The following METTL8 variants were observed in gnomAD, a reference collection of about 807,000 sequenced individuals.
The protein encoded by METTL8 is methyltransferase 8, tRNA N3-cytidine, also known as tRNA N(3)-cytidine methyltransferase METTL8, mitochondrial.
Under a neutral mutation model 48.7 loss-of-function variants are expected in METTL8, and 32 were observed. The observed-to-expected ratio is 0.66, with a 90% CI of 0.50 to 0.88. METTL8 has a LOEUF of 0.88. Ranked by LOEUF, METTL8 falls within the 40% of genes least tolerant of loss-of-function variation. The pLI is 0.00. For synonymous variants in METTL8, 136 were observed against 157.1 expected (o/e 0.87, Z 1.01); for missense variants, 464 against 474.4 (o/e 0.98, Z 0.20).
At chr2:171,405,017 G>T (rs1249358875) in intron 1 of METTL8, among the ~76,000 whole-genome samples, 1 of 152,160 alleles carries the variant, frequency 6.6e-6, no homozygotes, top group African/African-American at 2.4e-5. Flanking sequence ...AGGAGACAAG[G>T]TTTCTGGCTT....
chr2:171,363,128 CTG>C (rs1685334144), intron 2 of METTL8, among the ~76,000 whole-genome samples: 1 of 151,972 alleles, frequency 6.6e-6, no homozygotes. Context: ...TATTTCTTAA[CTG>C]TAACTTCCTT....
At chr2:171,401,528 G>C (rs766888942) in intron 1 of METTL8, among the ~76,000 whole-genome samples, 3 of 152,108 alleles carry the variant, frequency 2.0e-5, no homozygotes, top group Non-Finnish European at 2.9e-5. Flanking sequence ...CTTAGCGTTT[G>C]TTCTCCATGA....
At chr2:171,363,399 T>C (rs1034373683) in intron 2 of METTL8, among the ~76,000 whole-genome samples, 3 of 152,074 alleles carry the variant, frequency 2.0e-5, no homozygotes, top group Non-Finnish European at 2.9e-5. Context: ...AACTTTTTAT[T>C]AGTAATAAAT....
At chr2:171,375,765 T>C (rs1686901081) in intron 2 of METTL8, among the ~76,000 whole-genome samples, 1 of 152,124 alleles carries the variant, frequency 6.6e-6, no homozygotes, top group Non-Finnish European at 1.5e-5. Flanking sequence ...CAGATAAATC[T>C]CAAAATAATT....
At chr2:171,397,778 A>T (rs1301870164) in intron 1 of METTL8, among the ~76,000 whole-genome samples, 1 of 152,162 alleles carries the variant, frequency 6.6e-6, no homozygotes, top group Admixed American at 6.5e-5. Context: ...AAAAGCTAAT[A>T]CTGGGATATT....
intron 1 of METTL8, among the ~76,000 whole-genome samples, chr2:171,397,352 TAA>T (rs71013039): frequency 1.7e-3 from 20 of 11,702 alleles, no homozygotes; most frequent in African/African-American, 3.4e-3. Flanking sequence ...ACCCTGTCTC[TAA>T]AAAAAAAAAA....
intron 1 of METTL8, among the ~76,000 whole-genome samples, chr2:171,399,515 G>GAGCAT (rs1023086112): frequency 3.9e-4 from 59 of 152,116 alleles, no homozygotes; most frequent in African/African-American, 1.4e-3. Flanking sequence ...CCACCACAAT[G>GAGCAT]AGCATAGTGG....
At chr2:171,335,811 A>G (rs182247787) in intron 5 of METTL8, among the ~76,000 whole-genome samples, 1 of 152,318 alleles carries the variant, frequency 6.6e-6, no homozygotes, top group African/African-American at 2.4e-5. Flanking sequence ...AATTAAAACA[A>G]AAATTTTGTC....
chr2:171,340,311 G>A (rs1311261736), intron 3 of METTL8, among the ~76,000 whole-genome samples: 1 of 151,634 alleles, frequency 6.6e-6, no homozygotes, highest in Non-Finnish European at 1.5e-5. Flanking sequence ...AGACCAGCCT[G>A]GCCAACATGT....
chr2:171,346,780 T>C (rs912123354), intron 3 of METTL8, among the ~76,000 whole-genome samples: 2 of 152,194 alleles, frequency 1.3e-5, no homozygotes, highest in African/African-American at 2.4e-5. Context: ...TGTTTGAAAG[T>C]AGAGCTTTTA....
chr2:171,431,605 T>G (rs1693028130), intron 1 of METTL8, among the ~76,000 whole-genome samples: 1 of 152,228 alleles, frequency 6.6e-6, no homozygotes, highest in Non-Finnish European at 1.5e-5. Flanking sequence ...AATCTCATTC[T>G]TGGACACAGG....
chr2:171,331,655 G>C lies in METTL8; in HGVS notation c.720+149C>G, dbSNP rs181770165. ...TGGTCTCAAACTCCTGACCCCAGGT[G>C]ATCCACCCACCTTGGCCTCCCAAAG... On this transcript the variant is annotated intron_variant, in intron 6 of 9. Coordinates refer to ENST00000375258, the MANE Select transcript of METTL8 (RefSeq NM_001321154.2). 5.8e-5 allele frequency: 34 copies of C among 590,106 alleles called. No individual in the cohort carries two copies. The East Asian group carries it at 1.1e-3, about 19-fold the overall frequency. The allele number at this position is 590,106 out of a possible 1,614,324, so 36.6% of individuals were successfully genotyped here.
intron 1 of METTL8, among the ~76,000 whole-genome samples, chr2:171,402,592 T>A (rs1181556895): frequency 6.6e-6 from 1 of 152,198 alleles, no homozygotes; most frequent in Non-Finnish European, 1.5e-5. Flanking sequence ...TGTAGATATG[T>A]ATGTATACAT....
Position 171,408,504 on chromosome 2 carries a change from T to C in METTL8, c.-12-16307A>G, listed in dbSNP as rs113178857. 1.4e-3 allele frequency among the ~76,000 whole-genome samples: 214 copies of C among 152,076 alleles called. 4 individuals are homozygous for C. The East Asian group carries it at 0.015, about 11-fold the overall frequency. Reference sequence around the variant, plus strand: ...ATGTGGTTTCTCCATGTTGGTCAGGTTGGTCTCAAACTCCCGATCTCACGT... The same window carrying C: ...ATGTGGTTTCTCCATGTTGGTCAGGCTGGTCTCAAACTCCCGATCTCACGT... On this transcript the variant is annotated intron_variant, in intron 1 of 9. Transcript: ENST00000375258.
chr2:171,355,632 G>T (rs113519927), intron 3 of METTL8, among the ~76,000 whole-genome samples: 15 of 149,766 alleles, frequency 1.0e-4, no homozygotes, highest in African/African-American at 1.5e-4. Flanking sequence ...CGAGCTTCCC[G>T]GCCGCTTTGT....
chr2:171,338,149 T>C lies in METTL8; in HGVS notation c.607-647A>G, dbSNP rs951436673. 3.9e-5 allele frequency among the ~76,000 whole-genome samples: 6 copies of C among 152,278 alleles called. 1 individual carries two copies. In the South Asian group the frequency reaches 6.2e-4, roughly 16 times the overall value. ...TAAAGGCTATACCCAAAATGTTTGCTTCAGAAAATCTGAAAACAATTAAAA... is the reference window on the plus strand; with the variant it reads ...TAAAGGCTATACCCAAAATGTTTGCCTCAGAAAATCTGAAAACAATTAAAA... On this transcript the variant is annotated intron_variant, in intron 4 of 9. Coordinates refer to ENST00000375258, the MANE Select transcript of METTL8 (RefSeq NM_001321154.2).
chr2:171,416,506 T>C (rs1691329962), intron 1 of METTL8, among the ~76,000 whole-genome samples: 1 of 152,244 alleles, frequency 6.6e-6, no homozygotes, highest in Non-Finnish European at 1.5e-5. Context: ...AAGAGCATTT[T>C]AAGTTCAACG....
intron 1 of METTL8, among the ~76,000 whole-genome samples, chr2:171,420,204 T>C (rs971846791): frequency 3.3e-5 from 5 of 152,036 alleles, no homozygotes; most frequent in African/African-American, 1.2e-4. Flanking sequence ...TATAAAAATT[T>C]TATTTAAAAA....
chr2:171,374,985 TG>T, intron 2 of METTL8: 2 of 1,076,368 alleles, frequency 1.9e-6, no homozygotes, highest in South Asian at 1.2e-5. Context: ...TAAATCAGGG[TG>T]GGGGTGTTCG....
Sources: allele counts gnomAD v4.1 joint callset (sites outside exome capture counted in the v4.1 genomes callset), GRCh38; gene constraint gnomAD v4.1.1; transcripts MANE v1.5; gene names NCBI Gene and HGNC (gene_info 2026-07-23, HGNC 2026-07-21).